The following ZNF99 variants were observed in gnomAD, a reference collection of about 807,000 sequenced individuals.
ZNF99 encodes zinc finger protein ENSP00000375192.
A neutral mutation model predicts 12.8 loss-of-function variants in ZNF99; 8 were observed. That is an observed-to-expected ratio of 0.62 (90% CI 0.37 to 1.13). The LOEUF (loss-of-function observed/expected upper bound fraction) is 1.13. ZNF99 is among the 50% of genes most tolerant of loss of function. The pLI, the probability that ZNF99 is intolerant of heterozygous loss-of-function variation, is 0.02. For missense variants in ZNF99, 1,007 were observed against 1,006.2 expected, an observed-to-expected ratio of 1.00 and a Z score of -0.01; for synonymous variants, 318 against 319.0, an observed-to-expected ratio of 1.00 and a Z score of 0.03.
At chr19:22,764,308 G>C (rs534716150) in intron 3 of ZNF99, among the ~76,000 whole-genome samples, 20 of 152,192 alleles carry the variant, frequency 1.3e-4, no homozygotes, top group South Asian at 8.3e-4. Context: ...ATCAACACAA[G>C]ATGGATTAAG....
At chr19:22,767,542 T>G (rs573732764) in intron 3 of ZNF99, among the ~76,000 whole-genome samples, 436 of 152,252 alleles carry the variant, frequency 2.9e-3, no homozygotes, top group African/African-American at 8.8e-3. Flanking sequence ...AATAGTAAAA[T>G]GGGTCAATTT....
At position 22,759,636 on chromosome 19, in the gene ZNF99, T is replaced by C; in HGVS notation, c.273A>G (p.Ile91Met). The C allele has an allele frequency of 6.3e-7, 1 of 1,590,876 alleles. No homozygotes were observed. ...FTQDFWPDQS[I>M]KDSFQEIILR... ...ATATTATTTCTTGGAAAGAATCTTT[T>C]ATGCTCTGATCTGGCCAAAAGTCTT... is the stretch of plus-strand genomic sequence containing the variant. Residue 91 changes from isoleucine (I) to methionine (M), a missense_variant, in exon 4 of 4, where the codon ATA becomes ATG. Transcript: ENST00000596209.
At chr19:22,767,165 A>T (rs1338135438) in intron 3 of ZNF99, among the ~76,000 whole-genome samples, 1 of 151,582 alleles carries the variant, frequency 6.6e-6, no homozygotes, top group Non-Finnish European at 1.5e-5. Context: ...TGGGCCTGTA[A>T]CCCAGCTACT....
At position 22,752,216 on chromosome 19, in the gene ZNF99, A is replaced by G. The variant is rs1599436137; in HGVS notation, c.*5098T>C. On this transcript the variant is annotated 3_prime_UTR_variant, in exon 4 of 4. Coordinates refer to ENST00000596209, the MANE Select transcript of ZNF99 (RefSeq NM_001080409.3). ...GTATAGATTTTATTTACATTCCTAT[A>G]TGATTTTTATTATGACCACAAAAAT... 6.6e-6 allele frequency: 1 copy of G among 152,192 alleles called. No individual in the cohort carries two copies. Among genetic ancestry groups the G allele is most frequent in the East Asian group, 1.9e-4 (1 of 5,186 alleles). 9.4% of individuals were successfully genotyped at this position (152,192 alleles called of 1,614,324 possible).
At chr19:22,778,027 G>C (rs185813110) in intron 1 of ZNF99, among the ~76,000 whole-genome samples, 1 of 109,566 alleles carries the variant, frequency 9.1e-6, no homozygotes, top group Non-Finnish European at 1.8e-5. Flanking sequence ...GTGGGGGGAG[G>C]GGGGAGGGAT....
chr19:22,781,480 T>A (rs1200284867), intron 1 of ZNF99, among the ~76,000 whole-genome samples: 1 of 149,926 alleles, frequency 6.7e-6, no homozygotes, highest in Non-Finnish European at 1.5e-5. Context: ...TTTCTTTCAC[T>A]ATTTTTTCAT....
chr19:22,754,405 GTAGAATTTCTC>G lies in ZNF99; in HGVS notation c.*2898_*2908del, dbSNP rs1441422934. ...AAACTTTGCCACATTCTTCACATTT[GTAGAATTTCTC>G]TACAACATAAATTATCTTATGTGTA... On this transcript the variant is annotated 3_prime_UTR_variant, in exon 4 of 4. Coordinates refer to ENST00000596209, the MANE Select transcript of ZNF99 (RefSeq NM_001080409.3). 2.5e-6 allele frequency: 1 copy of G among 403,208 alleles called. No homozygotes were observed. The highest frequency in any genetic ancestry group is 4.8e-6 in the Non-Finnish European group (1 of 207,622). The allele number at this position is 403,208 out of a possible 1,614,324, so 25.0% of individuals were successfully genotyped here.
At chr19:22,777,282 G>C (rs886451289) in intron 1 of ZNF99, among the ~76,000 whole-genome samples, 2 of 152,138 alleles carry the variant, frequency 1.3e-5, no homozygotes, top group African/African-American at 4.8e-5. Context: ...ATTATCCTTA[G>C]AAAACTAATG....
intron 1 of ZNF99, among the ~76,000 whole-genome samples, chr19:22,772,108 A>G (rs1973280298): frequency 1.3e-5 from 2 of 151,994 alleles, no homozygotes. Flanking sequence ...AAGCTTGAGG[A>G]CTGTAACCTG....
rs1441617531 is a variant in ZNF99 at position 22,752,758 on chromosome 19, T to C, written c.*4556A>G. The C allele has an allele frequency of 6.6e-6, 1 of 152,098 alleles. No individual in the cohort carries two copies. The highest frequency in any genetic ancestry group is 1.5e-5 in the Non-Finnish European group (1 of 67,990). The allele number at this position is 152,098 out of a possible 1,614,324, so 9.4% of individuals were successfully genotyped here. ...ATTAAGTTTACATATAATCTAAAAATTTATGAATGTACTACATTACATAAA... is the reference window on the plus strand; with the variant it reads ...ATTAAGTTTACATATAATCTAAAAACTTATGAATGTACTACATTACATAAA... On this transcript the variant is annotated 3_prime_UTR_variant, in exon 4 of 4. Transcript: ENST00000596209.
At chr19:22,763,903 C>G (rs1159629353) in intron 3 of ZNF99, among the ~76,000 whole-genome samples, 1 of 126,238 alleles carries the variant, frequency 7.9e-6, no homozygotes, top group Non-Finnish European at 1.6e-5. Context: ...TTTTTTCTTT[C>G]CTTTTTTTTT....
At chr19:22,759,784 G>A in intron 3 of ZNF99, 102 bp from the exon 4 acceptor site, 2 of 835,788 alleles carry the variant, frequency 2.4e-6, no homozygotes, top group East Asian at 2.9e-5. Flanking sequence ...TAAGCAAGAT[G>A]GCACAGCAAA....
rs1002653574 is a variant in ZNF99, at chr19:22,752,733, A to T, written c.*4581T>A. ...TAACATGTCAAAAAATGTTTAAAAA[A>T]TTAAGTTTACATATAATCTAAAAAT... On this transcript the variant is annotated 3_prime_UTR_variant, in exon 4 of 4. Transcript: ENST00000596209. The T allele has an allele frequency of 6.6e-6, 1 of 152,198 alleles. No individual in the cohort carries two copies. The highest frequency in any genetic ancestry group is 1.5e-5 in the Non-Finnish European group (1 of 68,012). The allele number at this position is 152,198 out of a possible 1,614,324, so 9.4% of individuals were successfully genotyped here. A position where few individuals can be genotyped will look rare whatever the true frequency, so the allele number is the denominator to read the frequency against.
chr19:22,761,072 T>C (rs1272367984), intron 3 of ZNF99, among the ~76,000 whole-genome samples: 2 of 151,868 alleles, frequency 1.3e-5, no homozygotes, highest in Non-Finnish European at 2.9e-5. Context: ...TATGGAATAC[T>C]AGGGCAACAT....
Position 22,755,434 on chromosome 19 carries a change from T to C in ZNF99, c.*1880A>G, listed in dbSNP as rs1973037678. 3.4e-6 allele frequency: 1 copy of C among 297,188 alleles called. No homozygotes were observed. The highest frequency in any genetic ancestry group is 6.9e-6 in the Non-Finnish European group (1 of 144,518). The allele number at this position is 297,188 out of a possible 1,614,324, so 18.4% of individuals were successfully genotyped here. A position where few individuals can be genotyped will look rare whatever the true frequency, so the allele number is the denominator to read the frequency against. On this transcript the variant is annotated 3_prime_UTR_variant, in exon 4 of 4. Transcript: ENST00000596209. ...AAGGTTTGAGGACCAGTTAAAAGTT[T>C]TGCCACACTCTTCACATGAGGCGGG...
chr19:22,770,033 A>T, intron 1 of ZNF99: 1 of 1,310,212 alleles, frequency 7.6e-7, no homozygotes, highest in Non-Finnish European at 1.0e-6. Flanking sequence ...TTAACTGGAG[A>T]TCTTGTTAAG....
chr19:22,781,318 T>G, intron 1 of ZNF99, among the ~76,000 whole-genome samples: 1 of 149,792 alleles, frequency 6.7e-6, no homozygotes, highest in East Asian at 2.0e-4. Flanking sequence ...GCCCAATAAC[T>G]CCTTCTCAGG....
At position 22,753,865 on chromosome 19, in the gene ZNF99, G is replaced by T; in HGVS notation, c.*3449C>A. On this transcript the variant is annotated 3_prime_UTR_variant, in exon 4 of 4. Transcript: ENST00000596209. ...TAAATATTTTGCCACATTCTTCATAGTTTTCTCTAGGATAAATTAGCTTAT... is the reference window on the plus strand; with the variant it reads ...TAAATATTTTGCCACATTCTTCATATTTTTCTCTAGGATAAATTAGCTTAT... The T allele has an allele frequency of 1.4e-5, 4 of 292,332 alleles. No individual in the cohort carries two copies. Among genetic ancestry groups the T allele is most frequent in the South Asian group, 6.3e-5 (2 of 31,902 alleles). 18.1% of individuals were successfully genotyped at this position (292,332 alleles called of 1,614,324 possible). A position where few individuals can be genotyped will look rare whatever the true frequency, so the allele number is the denominator to read the frequency against.
intron 1 of ZNF99, among the ~76,000 whole-genome samples, chr19:22,771,959 G>A (rs373669489): frequency 6.7e-4 from 77 of 115,770 alleles, no homozygotes; most frequent in East Asian, 4.3e-3. Flanking sequence ...CTTGTGATCC[G>A]CCCGCCTCGG....
Sources: allele counts gnomAD v4.1 joint callset (sites outside exome capture counted in the v4.1 genomes callset), GRCh38; gene constraint gnomAD v4.1.1; transcripts MANE v1.5; gene names NCBI Gene and HGNC (gene_info 2026-07-23, HGNC 2026-07-21).